Variants in MAPRE2 observed in about 807,000 individuals in gnomAD.
The protein encoded by MAPRE2 is microtubule-associated protein RP/EB family member 2.
MAPRE2 carries 13 observed loss-of-function variants against 43.2 expected under a neutral mutation model. The ratio of observed to expected loss-of-function variants is 0.30; its 90% CI spans 0.20 to 0.48. MAPRE2 has a LOEUF of 0.48. MAPRE2 is among the 20% of genes least tolerant of loss of function. The probability of loss-of-function intolerance (pLI) is 0.99; values close to 1 mark genes in which losing one functional copy is unlikely to be tolerated. For missense variants in MAPRE2, 161 were observed against 400.2 expected, an observed-to-expected ratio of 0.40 and a Z score of 5.10; for synonymous variants, 135 against 148.8, an observed-to-expected ratio of 0.91 and a Z score of 0.68.
At chr18:35,126,779 A>T (rs539648865) in intron 4 of MAPRE2, among the ~76,000 whole-genome samples, 169 bp from the exon 5 acceptor site, 68 of 152,302 alleles carry the variant, frequency 4.5e-4, no homozygotes, top group Admixed American at 2.5e-3. Context: ...CCGTACTTTA[A>T]CTGTGTACAC....
chr18:35,089,261 G>A (rs1322026637), intron 2 of MAPRE2, among the ~76,000 whole-genome samples: 1 of 152,054 alleles, frequency 6.6e-6, no homozygotes, highest in Non-Finnish European at 1.5e-5. Flanking sequence ...GTGGTTTTTG[G>A]TTATAACAAC....
At chr18:35,048,926 C>T (rs956717238) in intron 1 of MAPRE2, among the ~76,000 whole-genome samples, 1 of 151,840 alleles carries the variant, frequency 6.6e-6, no homozygotes, top group African/African-American at 2.4e-5. Context: ...TGTGCAAAAT[C>T]GATCCTGAAG....
At chr18:35,082,505 T>C (rs1368209443) in intron 2 of MAPRE2, among the ~76,000 whole-genome samples, 1 of 152,084 alleles carries the variant, frequency 6.6e-6, no homozygotes, top group Non-Finnish European at 1.5e-5. Context: ...AACCTGTATT[T>C]CCTCAAACGC....
At chr18:34,980,493 ACT>A (rs1294333442) in intron 1 of MAPRE2, among the ~76,000 whole-genome samples, 1 of 151,892 alleles carries the variant, frequency 6.6e-6, no homozygotes, top group East Asian at 1.9e-4. Context: ...AGGGGCACAG[ACT>A]CTGTTAGTTA....
chr18:34,983,760 G>T (rs886257376), intron 1 of MAPRE2, among the ~76,000 whole-genome samples: 3 of 152,094 alleles, frequency 2.0e-5, no homozygotes, highest in Admixed American at 6.6e-5. Context: ...CTCCCAAGTA[G>T]CTGGGATTAC....
chr18:35,020,510 T>C (rs1328042356), intron 2 of MAPRE2, among the ~76,000 whole-genome samples: 1 of 151,522 alleles, frequency 6.6e-6, no homozygotes, highest in Non-Finnish European at 1.5e-5. Flanking sequence ...CACCCTCTTT[T>C]AGTGAGTGCT....
intron 2 of MAPRE2, among the ~76,000 whole-genome samples, chr18:35,096,347 G>C (rs931642442): frequency 6.6e-6 from 1 of 152,124 alleles, no homozygotes; most frequent in Non-Finnish European, 1.5e-5. Flanking sequence ...TTGCCACTTG[G>C]TTTTCTTTCT....
intron 4 of MAPRE2, among the ~76,000 whole-genome samples, chr18:35,122,536 C>CA (rs1458998511): frequency 1.3e-5 from 2 of 152,198 alleles, no homozygotes; most frequent in Non-Finnish European, 2.9e-5. Context: ...TTTTAAATAT[C>CA]AAATACTAGT....
At chr18:35,055,130 T>G (rs1210171224) in intron 1 of MAPRE2, among the ~76,000 whole-genome samples, 1 of 152,178 alleles carries the variant, frequency 6.6e-6, no homozygotes, top group Non-Finnish European at 1.5e-5. Flanking sequence ...TATATTAGTT[T>G]TCCAGGGCTC....
At chr18:35,100,815 T>C (rs1006483732) in intron 3 of MAPRE2, among the ~76,000 whole-genome samples, 1 of 151,818 alleles carries the variant, frequency 6.6e-6, no homozygotes, top group African/African-American at 2.4e-5. Flanking sequence ...CCGAGGCGGG[T>C]GGATCACCTG....
intron 2 of MAPRE2, among the ~76,000 whole-genome samples, chr18:35,030,372 A>G (rs12956504): frequency 2.8e-4 from 43 of 152,164 alleles, no homozygotes; most frequent in Admixed American, 9.2e-4. Context: ...CCCACCCTGG[A>G]TTCTGCATTC....
intron 1 of MAPRE2, among the ~76,000 whole-genome samples, chr18:35,042,727 T>C (rs1905429587): frequency 6.6e-6 from 1 of 152,214 alleles, no homozygotes. Context: ...AGAGCACACA[T>C]ACCTCTAAAG....
At chr18:34,997,333 A>T (rs765795695) in intron 1 of MAPRE2, among the ~76,000 whole-genome samples, 1 of 152,138 alleles carries the variant, frequency 6.6e-6, no homozygotes, top group South Asian at 2.1e-4. Flanking sequence ...TCCTTAGGGG[A>T]TACAAAGACT....
intron 4 of MAPRE2, among the ~76,000 whole-genome samples, chr18:35,107,688 G>A (rs922762218): frequency 6.6e-6 from 1 of 152,102 alleles, no homozygotes; most frequent in Non-Finnish European, 1.5e-5. Flanking sequence ...GCAGTAGTTG[G>A]TTGTATAGTG....
Position 35,041,481 on chromosome 18 carries a change from A to C in MAPRE2, c.-59A>C, listed in dbSNP as rs1245025968. 31 of 1,612,506 alleles carry C rather than the reference A, an allele frequency of 1.9e-5. No individual in the cohort carries two copies. Among genetic ancestry groups the C allele is most frequent in the Non-Finnish European group, 2.5e-5 (30 of 1,179,394 alleles). On this transcript the variant is annotated 5_prime_UTR_variant, in exon 1 of 7. Coordinates refer to ENST00000300249, the MANE Select transcript of MAPRE2 (RefSeq NM_014268.4). ...AGCAGGCGAGCGAGCGGGAAGACGCAGCCACCTTCCTCACCAGCCAGCCCA... is the reference window on the plus strand; with the variant it reads ...AGCAGGCGAGCGAGCGGGAAGACGCCGCCACCTTCCTCACCAGCCAGCCCA...
At chr18:34,987,200 G>T (rs2097021450) in intron 1 of MAPRE2, among the ~76,000 whole-genome samples, 2 of 152,078 alleles carry the variant, frequency 1.3e-5, no homozygotes, top group Admixed American at 6.6e-5. Flanking sequence ...ACTTCAATAG[G>T]TATATTGTTA....
chr18:35,003,425 CCT>C (rs2097030331), intron 1 of MAPRE2, among the ~76,000 whole-genome samples: 1 of 152,144 alleles, frequency 6.6e-6, no homozygotes, highest in African/African-American at 2.4e-5. Flanking sequence ...CTACTCTGAG[CCT>C]CTGTTTCTTC....
intron 1 of MAPRE2, among the ~76,000 whole-genome samples, chr18:34,983,834 T>C (rs1211102282): frequency 6.6e-6 from 1 of 152,140 alleles, no homozygotes; most frequent in Non-Finnish European, 1.5e-5. Context: ...TTCACCATGT[T>C]GGCCAGGTTG....
rs577748953 is a variant in MAPRE2, at chr18:35,016,487, T to C, written c.-8+10934T>C. Among the ~76,000 whole-genome samples the C allele has an allele frequency of 2.6e-5, 4 of 152,256 alleles. No homozygotes were observed. The South Asian group carries it at 8.3e-4, about 32-fold the overall frequency. On this transcript the variant is annotated intron_variant, in intron 2 of 7. Transcript: ENST00000413393. ...CAGCATCTGTCGTTGGTTAACATTTTAATAATAGCTATTTTGATTGGTGTG... is the reference window on the plus strand; with the variant it reads ...CAGCATCTGTCGTTGGTTAACATTTCAATAATAGCTATTTTGATTGGTGTG...
Sources: allele counts gnomAD v4.1 joint callset (sites outside exome capture counted in the v4.1 genomes callset), GRCh38; gene constraint gnomAD v4.1.1; transcripts MANE v1.5; gene names NCBI Gene and HGNC (gene_info 2026-07-23, HGNC 2026-07-21).